The following PLEC variants were observed in gnomAD, a reference collection of about 807,000 sequenced individuals.
PLEC encodes the protein hemidesmosomal protein 1.
Under a neutral mutation model 392.8 loss-of-function variants are expected in PLEC, and 216 were observed. That is an observed-to-expected ratio of 0.55 (90% CI 0.49 to 0.62). The LOEUF (loss-of-function observed/expected upper bound fraction) is 0.62, where lower values mean the gene tolerates loss of function less well. Among genes scored for constraint, PLEC ranks in the 20% least tolerant of loss-of-function variants. The pLI, the probability that PLEC is intolerant of heterozygous loss-of-function variation, is 0.00. For synonymous variants in PLEC, 3,621 were observed against 2,980.6 expected (o/e 1.21, Z -7.00); for missense variants, 6,863 against 6,563.4 (o/e 1.05, Z -1.58).
At position 143,921,363 on chromosome 8, in the gene PLEC, G is replaced by C. The variant is rs1822616333; in HGVS notation, c.8458C>G (p.His2820Asp). Reference sequence around the variant, plus strand: ...ACGTCCACGGGCACGCGGTGGCTGTGCACGGGGTCGATAACGCCGCCCGTG... The same window carrying C: ...ACGTCCACGGGCACGCGGTGGCTGTCCACGGGGTCGATAACGCCGCCCGTG... Reference protein sequence around the residue: ...IATGGVIDPVHSHRVPVDVAY... With the variant: ...IATGGVIDPVDSHRVPVDVAY... Residue 2820 changes from histidine (H) to aspartate (D), a missense_variant, in exon 32 of 32, where the codon CAC becomes GAC. Transcript: ENST00000345136. 6.2e-7 allele frequency: 1 copy of C among 1,613,428 alleles called. No individual in the cohort carries two copies. Among genetic ancestry groups the C allele is most frequent in the Admixed American group, 1.7e-5 (1 of 59,978 alleles).
rs1273390038 is a variant in PLEC at position 143,973,463 on chromosome 8, G to A, written c.10C>T (p.Pro4Ser). 4 of 1,513,940 alleles carry A rather than the reference G, an allele frequency of 2.6e-6. No individual in the cohort carries two copies. The highest frequency in any genetic ancestry group is 3.5e-6 in the Non-Finnish European group (4 of 1,130,752). The allele number at this position is 1,513,940 out of a possible 1,614,324, so 93.8% of individuals were successfully genotyped here. A position where few individuals can be genotyped will look rare whatever the true frequency, so the allele number is the denominator to read the frequency against. ...ATGAAGTCCTGCTCGTCGGGCAGCG[G>A]GCCGGCCATGCCGGCGGGCGCGGGG... is the stretch of plus-strand genomic sequence containing the variant. Residue 4 changes from proline to serine, a missense_variant, in exon 1 of 32, where the codon CCG becomes TCG. Pro to Ser is a moderately conservative substitution (Grantham distance 74, BLOSUM62 -1). Coordinates refer to the PLEC transcript ENST00000356346. This position sits in a 1 kb window ranked among gnomAD's most constrained non-coding sequence, Gnocchi z 5.6.
In PLEC at chr8:143,918,357, C is replaced by A. The variant is rs1554674976; in HGVS notation, c.11464G>T (p.Val3822Leu). 1 of 1,575,770 alleles carries A rather than the reference C, an allele frequency of 6.3e-7. No homozygotes were observed. Among genetic ancestry groups the A allele is most frequent in the South Asian group, 1.1e-5 (1 of 88,374 alleles). The change falls in exon 32 of 32, where the codon GTG becomes TTG. Residue 3822 changes from valine (V) to leucine (L), a missense_variant. Coordinates refer to ENST00000345136, the MANE Select transcript of PLEC (RefSeq NM_201384.3). ...PRLGFHLPLE[V>L]AYQRGYLNKD... ...TTGAGGTAGCCACGCTGGTAAGCCACCTCCAGGGGAAGGTGGAAGCCCAGG... is the reference window on the plus strand; with the variant it reads ...TTGAGGTAGCCACGCTGGTAAGCCAACTCCAGGGGAAGGTGGAAGCCCAGG...
At chr8:143,937,616 C>A in intron 3 of PLEC, 1 of 503,588 alleles carries the variant, frequency 2.0e-6, no homozygotes, top group Non-Finnish European at 3.8e-6. Flanking sequence ...GGACGGGCAG[C>A]TTGACACCCA....
chr8:143,960,807 T>C (rs1554740653), intron 1 of PLEC, among the ~76,000 whole-genome samples: 1 of 152,246 alleles, frequency 6.6e-6, no homozygotes, highest in Non-Finnish European at 1.5e-5. Flanking sequence ...TGTTAGTGGC[T>C]TCCTGTTTGT....
chr8:143,938,433 G>T (rs893741213), intron 2 of PLEC, 193 bp from the exon 3 acceptor site: 30 of 1,539,020 alleles, frequency 1.9e-5, no homozygotes, highest in Middle Eastern at 3.3e-4. Context: ...GAGAGACCAG[G>T]AAAGACCAGA....
Position 143,935,262 on chromosome 8 carries a change from G to A in PLEC, c.654C>T (p.Asn218=). The A allele has an allele frequency of 6.2e-7, 1 of 1,611,536 alleles. No individual in the cohort carries two copies. Among genetic ancestry groups the A allele is most frequent in the South Asian group, 1.1e-5 (1 of 91,074 alleles). ...NKVYRQTNLE[N]LDQAFSVAER... is the part of the protein sequence containing the mutation. ...CCGCCACAGAGAAGGCCTGGTCCAG[G>A]TTCTCCAGGTTGGTCTGCCGGTACA... The change falls in exon 7 of 32, where the codon AAC becomes AAT. Residue 218 remains asparagine (N), a synonymous_variant. Coordinates refer to ENST00000345136, the MANE Select transcript of PLEC (RefSeq NM_201384.3).
Position 143,919,983 on chromosome 8 carries a change from T to TGACCTTGCCCGTGCGGAA in PLEC, c.9820_9837dup (p.Phe3274_Val3279dup). ...AGAATCTTGATGACCTTCTCCACGG[T>TGACCTTGCCCGTGCGGAA]GACCTTGCCCGTGCGGAACTGACGC... On this transcript the variant is annotated inframe_insertion, in exon 32 of 32. Coordinates refer to ENST00000345136, the MANE Select transcript of PLEC (RefSeq NM_201384.3). 1 of 1,613,354 alleles carries TGACCTTGCCCGTGCGGAA rather than the reference T, an allele frequency of 6.2e-7. No homozygotes were observed.
In PLEC at chr8:143,935,006, C is replaced by A. The variant is rs1375111353; in HGVS notation, c.825+5G>T. On this transcript the variant is annotated splice_donor_5th_base_variant and intron_variant, in intron 8 of 31. Coordinates refer to ENST00000345136, the MANE Select transcript of PLEC (RefSeq NM_201384.3). The stretch of plus-strand genomic sequence containing the variant: ...AGCCCCCTGCCCTCCGGGCCCCCCA[C>A]TCACGTTGGCCCTCACCCCATCCTG... 5 of 1,612,188 alleles carry A rather than the reference C, an allele frequency of 3.1e-6. No homozygotes were observed. Among genetic ancestry groups the A allele is most frequent in the Non-Finnish European group, 4.2e-6 (5 of 1,179,652 alleles).
At chr8:143,944,523 T>A (rs1056408444), upstream of PLEC, 9 of 514,648 alleles carry the variant, frequency 1.7e-5, no homozygotes, top group Middle Eastern at 3.1e-4. Context: ...TGAGGGCACA[T>A]GAGGCAGGCT....
chr8:143,947,826 A>G (rs1196257369), intron 1 of PLEC, among the ~76,000 whole-genome samples: 1 of 152,164 alleles, frequency 6.6e-6, no homozygotes, highest in Admixed American at 6.5e-5. Flanking sequence ...TTCCCACCAC[A>G]CCAAGCAACT....
Position 143,927,665 on chromosome 8 carries a change from G to T in PLEC, c.3501C>A (p.His1167Gln). ...GCTCCACCTCCACGTCCCGCTCCCC[G>T]TGCCGCTGCTGCAGTCGCTCCCCCA... ...QEVGERLQQR[H>Q]GERDVEVERW... is the part of the protein sequence containing the mutation. Residue 1167 changes from histidine (H) to glutamine (Q), a missense_variant, in exon 27 of 32, where the codon CAC (histidine) becomes CAA (glutamine). His to Gln is a conservative substitution (Grantham distance 24). Coordinates refer to ENST00000345136, the MANE Select transcript of PLEC (RefSeq NM_201384.3). 1 of 1,581,172 alleles carries T rather than the reference G, an allele frequency of 6.3e-7. No homozygotes were observed.
chr8:143,923,150 T>G lies in PLEC; in HGVS notation c.6779A>C (p.Asp2260Ala), dbSNP rs181231176. Residue 2260 changes from aspartate to alanine, a missense_variant, in exon 31 of 32, where the codon GAC becomes GCC. Transcript: ENST00000345136. Reference sequence around the variant, plus strand: ...CTCCTGCAGGAAGCGCTGCGTATTGTCCTTGTCACGCAAGATGAGTGCGCG... The same window carrying G: ...CTCCTGCAGGAAGCGCTGCGTATTGGCCTTGTCACGCAAGATGAGTGCGCG... Reference protein sequence around the residue: ...ENRALILRDKDNTQRFLQEEA... With the variant: ...ENRALILRDKANTQRFLQEEA... 5 of 1,602,978 alleles carry G rather than the reference T, an allele frequency of 3.1e-6. No homozygotes were observed. In the Admixed American group the frequency reaches 5.0e-5, roughly 16 times the overall value.
rs557539356 is a variant in PLEC, at chr8:143,930,406, A to G, written c.2435T>C (p.Val812Ala). 2.3e-5 allele frequency: 36 copies of G among 1,572,858 alleles called. No individual in the cohort carries two copies. The East Asian group carries it at 8.2e-4, about 36-fold the overall frequency. The change falls in exon 20 of 32, where the codon GTG (valine) becomes GCG (alanine). Residue 812 changes from valine (V) to alanine (A), a missense_variant. Transcript: ENST00000345136. ...PMRGRLPLLA[V>A]CDYKQVEVTV... ...CACCTCCACCTGCTTATAGTCGCAC[A>G]CGGCCAGCAGGGGCAGGCGGCCCCG...
chr8:143,918,674 C>T lies in PLEC; in HGVS notation c.11147G>A (p.Ser3716Asn). The change falls in exon 32 of 32, where the codon AGT becomes AAT. Residue 3716 changes from serine (S) to asparagine (N), a missense_variant. Coordinates refer to ENST00000345136, the MANE Select transcript of PLEC (RefSeq NM_201384.3). Reference sequence around the variant, plus strand: ...CAGCAGCAGGCGGGCCACCTCGGCACTCAGCAGCCCTTTCTTGAGAGCCTG... The same window carrying T: ...CAGCAGCAGGCGGGCCACCTCGGCATTCAGCAGCCCTTTCTTGAGAGCCTG... ...IYQALKKGLL[S>N]AEVARLLLEA... is the part of the protein sequence containing the mutation. 1.2e-6 allele frequency: 2 copies of T among 1,612,922 alleles called. No homozygotes were observed. The highest frequency in any genetic ancestry group is 8.5e-7 in the Non-Finnish European group (1 of 1,179,988).
chr8:143,970,892 G>C (rs1444134286), intron 1 of PLEC, among the ~76,000 whole-genome samples: 1 of 152,224 alleles, frequency 6.6e-6, no homozygotes, highest in Non-Finnish European at 1.5e-5. Context: ...TAAGTCACCA[G>C]CCCACAGCCC....
chr8:143,958,532 C>A (rs1832714109), upstream of PLEC: 2 of 375,202 alleles, frequency 5.3e-6, no homozygotes, highest in Admixed American at 2.8e-5. The surrounding 1 kb of genome is among the most constrained non-coding windows in gnomAD (Gnocchi z 4.9). Flanking sequence ...CTCCACCACA[C>A]CCTGGCCTGG....
At position 143,920,233 on chromosome 8, in the gene PLEC, C is replaced by T; in HGVS notation, c.9588G>A (p.Gln3196=). The part of the protein sequence containing the change: ...TGEPATYGEL[Q]QRCRPDQLTG... ...TCAGCTGGTCGGGCCGGCACCGCTG[C>T]TGGAGCTCGCCGTAGGTGGCCGGCT... Residue 3196 remains glutamine (Q), a synonymous_variant, in exon 32 of 32, where the codon CAG becomes CAA. Coordinates refer to ENST00000345136, the MANE Select transcript of PLEC (RefSeq NM_201384.3). The T allele has an allele frequency of 3.1e-6, 5 of 1,603,698 alleles. No individual in the cohort carries two copies. Among genetic ancestry groups the T allele is most frequent in the Non-Finnish European group, 4.2e-6 (5 of 1,178,932 alleles).
At position 143,923,988 on chromosome 8, in the gene PLEC, G is replaced by A. The variant is rs962321651; in HGVS notation, c.5941C>T (p.Arg1981Trp). Residue 1981 changes from arginine to tryptophan, a missense_variant, in exon 31 of 32, where the codon CGG becomes TGG. Arg to Trp is a moderately radical substitution (Grantham distance 101, BLOSUM62 -3). Transcript: ENST00000345136. ...RQRQLAAEEE[R>W]RRREAEERVQ... ...CGCTCCTCAGCCTCACGGCGCCGCC[G>A]CTCCTCCTCCGCCGCCAGCTGCCGC... The A allele has an allele frequency of 1.1e-4, 178 of 1,585,040 alleles. No individual in the cohort carries two copies. Among genetic ancestry groups the A allele is most frequent in the Non-Finnish European group, 1.2e-4 (144 of 1,171,594 alleles).
intron 3 of PLEC, 74 bp downstream of exon 3, chr8:143,938,076 GC>G: frequency 2.9e-6 from 3 of 1,045,892 alleles, no homozygotes; most frequent in Admixed American, 3.9e-5. Context: ...GGCCGGAGAG[GC>G]CCCAAGGAGG....
Sources: gnomAD v4.1 joint callset for allele counts (sites outside exome capture counted in the v4.1 genomes callset) on GRCh38, gnomAD v4.1.1 for gene constraint, Gnocchi (gnomAD v3.1) non-coding constraint, MANE v1.5 for transcripts, NCBI Gene and HGNC (gene_info 2026-07-23, HGNC 2026-07-21) for gene names.